Variants in HDLBP observed in about 807,000 individuals in gnomAD.
The protein encoded by HDLBP is high density lipoprotein binding protein, also known as vigilin.
Under a neutral mutation model 137.3 loss-of-function variants are expected in HDLBP, and 30 were observed. The ratio of observed to expected loss-of-function variants is 0.22; its 90% CI spans 0.16 to 0.30. The LOEUF (loss-of-function observed/expected upper bound fraction) is 0.30. HDLBP is among the 10% of genes least tolerant of loss of function. The probability of loss-of-function intolerance (pLI) is 1.00; values close to 1 mark genes in which losing one functional copy is unlikely to be tolerated. For synonymous variants in HDLBP, 606 were observed against 596.0 expected, an observed-to-expected ratio of 1.02 and a Z score of -0.24; for missense variants, 1,119 against 1,667.3, an observed-to-expected ratio of 0.67 and a Z score of 5.73.
intron 16 of HDLBP, chr2:241,243,610 C>T (rs187248963): frequency 6.5e-6 from 1 of 152,854 alleles, no homozygotes; most frequent in East Asian, 1.9e-4. Flanking sequence ...ATAGTACCTA[C>T]AGCTCAGACA....
intron 1 of HDLBP, among the ~76,000 whole-genome samples, chr2:241,279,143 A>G (rs1198447255): frequency 1.3e-5 from 2 of 152,244 alleles, no homozygotes; most frequent in South Asian, 2.1e-4. Context: ...GAGACAGGCC[A>G]TGGTCATCTA....
chr2:241,313,471 G>A lies in HDLBP; in HGVS notation c.-103+2099C>T, dbSNP rs554067878. ...ATTTTTGTATTTTTAGTAGAGACAG[G>A]GTTTCACCATGTTGGTCAGGCTGGT... On this transcript the variant is annotated intron_variant, in intron 1 of 27. Transcript: ENST00000310931. Among the ~76,000 whole-genome samples the A allele has an allele frequency of 5.9e-5, 9 of 152,212 alleles. No homozygotes were observed. In the South Asian group the frequency reaches 1.5e-3, roughly 25 times the overall value.
chr2:241,310,846 A>T (rs2075736681), intron 1 of HDLBP, among the ~76,000 whole-genome samples: 1 of 152,214 alleles, frequency 6.6e-6, no homozygotes, highest in South Asian at 2.1e-4. Flanking sequence ...CTGAGGCCAG[A>T]TGCAAAGCCT....
At chr2:241,268,415 C>A (rs1343613116) in intron 2 of HDLBP, 62 bp downstream of exon 2, 8 of 966,950 alleles carry the variant, frequency 8.3e-6, no homozygotes, top group Non-Finnish European at 9.8e-6. Flanking sequence ...ATACGCATCC[C>A]TGCGCCCCCA....
intron 3 of HDLBP, among the ~76,000 whole-genome samples, chr2:241,265,461 C>A (rs895936957): frequency 2.6e-5 from 4 of 152,214 alleles, no homozygotes; most frequent in African/African-American, 9.6e-5. Flanking sequence ...CTGATCTCCC[C>A]CTGCCCTGCC....
intron 3 of HDLBP, among the ~76,000 whole-genome samples, chr2:241,265,045 T>C (rs1342216560): frequency 6.6e-6 from 1 of 152,196 alleles, no homozygotes; most frequent in Non-Finnish European, 1.5e-5. Flanking sequence ...TGCAAAACAA[T>C]GGTCCTACCC....
rs3732223 is a variant in HDLBP, at chr2:241,237,402, C to G, written c.2750-633G>C. Among the ~76,000 whole-genome samples, 42 of 152,232 alleles carry G rather than the reference C, an allele frequency of 2.8e-4. 1 individual carries two copies. In the East Asian group the frequency reaches 8.1e-3, roughly 29 times the overall value. On this transcript the variant is annotated intron_variant, in intron 20 of 27. Transcript: ENST00000310931. ...CACCGCGTGTGTACCAAAATAGACA[C>G]CACAACAATAAGTGTCACAAAACAG...
rs2074120105 is a variant in HDLBP at position 241,272,252 on chromosome 2, A to T, written c.-102-3711T>A. On this transcript the variant is annotated intron_variant, in intron 1 of 27. Transcript: ENST00000310931. The surrounding 1 kb of genome is among the most constrained non-coding windows in gnomAD (Gnocchi z 5.6). ...GCGCCCAGACCCCCGCCCCGCCGCC[A>T]CCTGGGGGGAAGGACCCCGCTGGCC... 1.0e-6 allele frequency: 1 copy of T among 958,130 alleles called. No homozygotes were observed. Among genetic ancestry groups the T allele is most frequent in the African/African-American group, 1.8e-5 (1 of 55,770 alleles). 59.4% of individuals were successfully genotyped at this position (958,130 alleles called of 1,614,324 possible). A position where few individuals can be genotyped will look rare whatever the true frequency, so the allele number is the denominator to read the frequency against.
At chr2:241,229,720 G>A (rs745786631) in intron 27 of HDLBP, 33 bp from the exon 28 acceptor site, 2 of 1,611,870 alleles carry the variant, frequency 1.2e-6, no homozygotes, top group South Asian at 1.1e-5. Context: ...TTCAGGAGGG[G>A]ATGCTCCCCA....
intron 1 of HDLBP, among the ~76,000 whole-genome samples, chr2:241,291,482 G>T (rs1450795724): frequency 1.3e-5 from 2 of 152,148 alleles, no homozygotes; most frequent in East Asian, 3.9e-4. Context: ...TAGTACTAGG[G>T]GGAAATGCTA....
rs765922546 is a variant in HDLBP, at chr2:241,230,762, G to C, written c.3471C>G (p.Phe1157Leu). 8 of 1,613,808 alleles carry C rather than the reference G, an allele frequency of 5.0e-6. No homozygotes were observed. Among genetic ancestry groups the C allele is most frequent in the Non-Finnish European group, 6.8e-6 (8 of 1,179,676 alleles). ...GKAIRKIMDE[F>L]KVDIRFPQSG... ...ACTGTGCTTCCAGCCGGCTCACCTT[G>C]AATTCGTCCATGATTTTGCGAATGG... The change falls in exon 25 of 28, where the codon TTC becomes TTG. Residue 1157 changes from phenylalanine (F) to leucine (L), a missense_variant. This residue lies in a region of HDLBP where 618 missense variants were observed against 816.7 expected (regional missense o/e 0.76). Transcript: ENST00000310931. This position sits in a 1 kb window ranked among gnomAD's most constrained non-coding sequence, Gnocchi z 5.0.
At position 241,272,275 on chromosome 2, in the gene HDLBP, G is replaced by A; in HGVS notation, c.-102-3734C>T. ...CCACCTGGGGGGAAGGACCCCGCTGGCCTCCCAGGGACCCCCACCCTGGCC... is the reference window on the plus strand; with the variant it reads ...CCACCTGGGGGGAAGGACCCCGCTGACCTCCCAGGGACCCCCACCCTGGCC... On this transcript the variant is annotated intron_variant, in intron 1 of 27. Coordinates refer to ENST00000310931, the MANE Select transcript of HDLBP (RefSeq NM_005336.6). The surrounding 1 kb of genome is among the most constrained non-coding windows in gnomAD (Gnocchi z 5.6). The A allele has an allele frequency of 1.0e-6, 1 of 976,176 alleles. No individual in the cohort carries two copies. The highest frequency in any genetic ancestry group is 1.2e-4 in the East Asian group (1 of 8,632). 60.5% of individuals were successfully genotyped at this position (976,176 alleles called of 1,614,324 possible). A position where few individuals can be genotyped will look rare whatever the true frequency, so the allele number is the denominator to read the frequency against.
intron 1 of HDLBP, among the ~76,000 whole-genome samples, chr2:241,312,188 G>T (rs552643085): frequency 4.6e-5 from 7 of 152,226 alleles, no homozygotes; most frequent in Admixed American, 1.3e-4. Flanking sequence ...AGTAGTAAGG[G>T]AGAGTATGTA....
intron 1 of HDLBP, chr2:241,268,828 C>T (rs924196041): frequency 4.6e-5 from 7 of 152,202 alleles, no homozygotes; most frequent in Non-Finnish European, 8.8e-5. Flanking sequence ...CTAAACTTAA[C>T]TATTTTGAAG....
chr2:241,236,315 C>T, intron 21 of HDLBP: 2 of 408,300 alleles, frequency 4.9e-6, no homozygotes, highest in East Asian at 4.5e-5. Context: ...ACATTCATCC[C>T]CCTGCAGCTG....
Position 241,260,488 on chromosome 2 carries a change from G to A in HDLBP, c.450+2223C>T, listed in dbSNP as rs1379332248. ...GAAGTCGCCGGAGCGCCAAAGAATC[G>A]ATTATTTATCTGGTACTTCCCACCC... On this transcript the variant is annotated intron_variant, in intron 5 of 27. Coordinates refer to ENST00000310931, the MANE Select transcript of HDLBP (RefSeq NM_005336.6). Among the ~76,000 whole-genome samples the A allele has an allele frequency of 3.9e-5, 6 of 152,128 alleles. 1 individual carries two copies. The highest frequency in any genetic ancestry group is 3.9e-4 in the Admixed American group (6 of 15,256).
At position 241,272,646 on chromosome 2, in the gene HDLBP, C is replaced by A; in HGVS notation, c.-102-4105G>T. ...CGGGTGGGGGCCGCGGCACCCGGGC[C>A]CCTCCCCCTCCGCGGCCTCCACGTC... On this transcript the variant is annotated intron_variant, in intron 1 of 27. Coordinates refer to ENST00000310931, the MANE Select transcript of HDLBP (RefSeq NM_005336.6). The surrounding 1 kb of genome is among the most constrained non-coding windows in gnomAD (Gnocchi z 5.6). 1 of 952,460 alleles carries A rather than the reference C, an allele frequency of 1.0e-6. No individual in the cohort carries two copies. The highest frequency in any genetic ancestry group is 1.2e-6 in the Non-Finnish European group (1 of 801,860). 59.0% of individuals were successfully genotyped at this position (952,460 alleles called of 1,614,324 possible).
intron 2 of HDLBP, chr2:241,267,961 C>T: frequency 6.1e-6 from 6 of 985,034 alleles, no homozygotes; most frequent in Non-Finnish European, 7.2e-6. Context: ...ATTCAGCATT[C>T]TGAGGTAGGA....
In HDLBP at chr2:241,272,543, A is replaced by T; in HGVS notation, c.-102-4002T>A. 2 of 984,348 alleles carry T rather than the reference A, an allele frequency of 2.0e-6. No individual in the cohort carries two copies. Among genetic ancestry groups the T allele is most frequent in the Non-Finnish European group, 2.4e-6 (2 of 829,596 alleles). 61.0% of individuals were successfully genotyped at this position (984,348 alleles called of 1,614,324 possible). A position where few individuals can be genotyped will look rare whatever the true frequency, so the allele number is the denominator to read the frequency against. On this transcript the variant is annotated intron_variant, in intron 1 of 27. Coordinates refer to ENST00000310931, the MANE Select transcript of HDLBP (RefSeq NM_005336.6). This position sits in a 1 kb window ranked among gnomAD's most constrained non-coding sequence, Gnocchi z 5.6. ...ACGGCCACGCGCAGAAGAGACTCGG[A>T]GCCGGCCCCAGGTCTGGCCCGGAAC... is the stretch of plus-strand genomic sequence containing the variant.
Sources: gnomAD v4.1 joint callset for allele counts (sites outside exome capture counted in the v4.1 genomes callset) on GRCh38, gnomAD v4.1.1 for gene constraint, gnomAD v4.1.1 regional missense constraint, Gnocchi (gnomAD v3.1) non-coding constraint, MANE v1.5 for transcripts, NCBI Gene and HGNC (gene_info 2026-07-23, HGNC 2026-07-21) for gene names.